The following LINGO2 variants were observed in gnomAD, a reference collection of about 807,000 sequenced individuals.
LINGO2 encodes the protein leucine rich repeat and Ig domain containing 2, also known as leucine-rich repeat and immunoglobulin-like domain-containing nogo receptor-interacting protein 2.
In LINGO2, 14 loss-of-function variants were observed where a neutral mutation model predicts 30.6. The ratio of observed to expected loss-of-function variants is 0.46; its 90% CI spans 0.30 to 0.72. LINGO2 has a LOEUF of 0.72. Among genes scored for constraint, LINGO2 ranks in the 30% least tolerant of loss-of-function variants. The pLI, the probability that LINGO2 is intolerant of heterozygous loss-of-function variation, is 0.07. For synonymous variants in LINGO2, 317 were observed against 288.5 expected, an observed-to-expected ratio of 1.10 and a Z score of -1.00; for missense variants, 729 against 751.7, an observed-to-expected ratio of 0.97 and a Z score of 0.35.
chr9:29,073,835 A>C, the LINGO2 span, among the ~76,000 whole-genome samples: 16 of 152,182 alleles, frequency 1.1e-4, no homozygotes, highest in Non-Finnish European at 2.2e-4. Flanking sequence ...CCAAACACAA[A>C]TGTTTATTTG....
intron 5 of LINGO2, among the ~76,000 whole-genome samples, chr9:27,966,363 A>G (rs1167835404): frequency 1.3e-5 from 2 of 152,186 alleles, no homozygotes; most frequent in Non-Finnish European, 2.9e-5. Flanking sequence ...ACATGCCTCA[A>G]TATACACCAC....
chr9:28,636,167 T>C (rs934371676), intron 1 of LINGO2, among the ~76,000 whole-genome samples: 4 of 152,226 alleles, frequency 2.6e-5, no homozygotes, highest in African/African-American at 9.6e-5. Flanking sequence ...TTATTTTTTA[T>C]GGCTGCGTAG....
In LINGO2 at chr9:27,995,103, C is replaced by T. The variant is rs147663150; in HGVS notation, c.-36+17252G>A. On this transcript the variant is annotated intron_variant, in intron 5 of 5. Coordinates refer to ENST00000379992, the Ensembl canonical transcript of LINGO2. Reference sequence around the variant, plus strand: ...GAAATACAAAGAATCATTAGAGAATCGTGTGCAGCAATACACCAATAAATT... The same window carrying T: ...GAAATACAAAGAATCATTAGAGAATTGTGTGCAGCAATACACCAATAAATT... Among the ~76,000 whole-genome samples, 19 of 152,164 alleles carry T rather than the reference C, an allele frequency of 1.2e-4. No individual in the cohort carries two copies. The East Asian group carries it at 3.1e-3, about 25-fold the overall frequency.
At chr9:29,154,449 CAAA>C in the LINGO2 span, among the ~76,000 whole-genome samples, 7 of 95,482 alleles carry the variant, frequency 7.3e-5, no homozygotes, top group Admixed American at 1.2e-4. Context: ...GACTCCGTCT[CAAA>C]AAAAAAAAAA....
intron 2 of LINGO2, among the ~76,000 whole-genome samples, chr9:28,454,016 A>G (rs2135086131): frequency 6.6e-6 from 1 of 152,098 alleles, no homozygotes; most frequent in African/African-American, 2.4e-5. Flanking sequence ...ATTAAAATGG[A>G]CCAAGGAGTT....
chr9:28,029,532 C>T (rs76739487), intron 4 of LINGO2, among the ~76,000 whole-genome samples: 9 of 152,252 alleles, frequency 5.9e-5, no homozygotes, highest in South Asian at 2.1e-4. Flanking sequence ...CTCTGAGTAC[C>T]AGCAGCAGGA....
intron 1 of LINGO2, among the ~76,000 whole-genome samples, chr9:28,542,301 C>A (rs1232134283): frequency 1.3e-5 from 2 of 151,838 alleles, no homozygotes; most frequent in Admixed American, 6.6e-5. Context: ...TGCAAGCTAT[C>A]TGCTGATAGC....
At chr9:28,668,127 G>T (rs1425285633) in intron 1 of LINGO2, among the ~76,000 whole-genome samples, 3 of 151,936 alleles carry the variant, frequency 2.0e-5, no homozygotes, top group African/African-American at 7.3e-5. Context: ...CCCCACCAAA[G>T]ATTTTGAGAA....
chr9:28,501,344 C>G (rs1010861544), intron 1 of LINGO2, among the ~76,000 whole-genome samples: 2 of 152,104 alleles, frequency 1.3e-5, no homozygotes, highest in East Asian at 3.8e-4. Context: ...GAAAATAAAA[C>G]TTTTTGAAGT....
intron 2 of LINGO2, among the ~76,000 whole-genome samples, chr9:28,377,412 T>C (rs182522466): frequency 6.6e-6 from 1 of 152,210 alleles, no homozygotes; most frequent in African/African-American, 2.4e-5. Context: ...AAATACAGCA[T>C]ACAATACATA....
At chr9:29,096,980 A>AGGC in the LINGO2 span, among the ~76,000 whole-genome samples, 24 of 139,752 alleles carry the variant, frequency 1.7e-4, 5 homozygotes, top group Non-Finnish European at 2.5e-4. Flanking sequence ...CAGAAAACAT[A>AGGC]AGAAAACCTT....
At chr9:28,702,163 A>G in the LINGO2 span, among the ~76,000 whole-genome samples, 1 of 151,910 alleles carries the variant, frequency 6.6e-6, no homozygotes, top group Non-Finnish European at 1.5e-5. Flanking sequence ...ATTATGTTGA[A>G]AAGGAGCAGT....
intron 4 of LINGO2, among the ~76,000 whole-genome samples, chr9:28,153,895 A>G (rs191847495): frequency 6.6e-6 from 1 of 152,346 alleles, no homozygotes; most frequent in Admixed American, 6.5e-5. Context: ...CATTAAGGAA[A>G]GCAAATACAA....
Position 28,250,482 on chromosome 9 carries a change from C to G in LINGO2, c.-87+44726G>C, listed in dbSNP as rs182716396. Reference sequence around the variant, plus strand: ...ACATCAACAGGTGCAGACAAAGAAGCCCGAACAAGTCAGCCTTTTCTAGTG... The same window carrying G: ...ACATCAACAGGTGCAGACAAAGAAGGCCGAACAAGTCAGCCTTTTCTAGTG... On this transcript the variant is annotated intron_variant, in intron 4 of 5. Coordinates refer to ENST00000379992, the Ensembl canonical transcript of LINGO2. 2.6e-4 allele frequency among the ~76,000 whole-genome samples: 40 copies of G among 152,206 alleles called. 1 individual carries two copies. Among genetic ancestry groups the G allele is most frequent in the African/African-American group, 9.1e-4 (38 of 41,540 alleles).
At chr9:27,957,849 A>G (rs1819652885) in intron 5 of LINGO2, among the ~76,000 whole-genome samples, 1 of 152,220 alleles carries the variant, frequency 6.6e-6, no homozygotes, top group African/African-American at 2.4e-5. Context: ...ATGTTGTACG[A>G]GCTTCTTATC....
the LINGO2 span, among the ~76,000 whole-genome samples, chr9:28,675,318 G>T: frequency 4.8e-4 from 73 of 152,170 alleles, no homozygotes; most frequent in African/African-American, 1.2e-3. Context: ...TGAATGCAAT[G>T]GTACCTAATA....
chr9:29,146,263 G>A, the LINGO2 span, among the ~76,000 whole-genome samples: 2 of 152,078 alleles, frequency 1.3e-5, no homozygotes, highest in African/African-American at 4.8e-5. Context: ...GGCTGAGGCA[G>A]GAGAATCGGT....
intron 3 of LINGO2, among the ~76,000 whole-genome samples, chr9:28,339,013 G>T (rs1039940084): frequency 3.9e-5 from 6 of 152,104 alleles, no homozygotes; most frequent in Non-Finnish European, 8.8e-5. Flanking sequence ...ATACTCCCAA[G>T]TATTGTCTTG....
intron 1 of LINGO2, among the ~76,000 whole-genome samples, chr9:28,513,278 A>G (rs770630510): frequency 6.6e-6 from 1 of 152,230 alleles, no homozygotes; most frequent in Non-Finnish European, 1.5e-5. Flanking sequence ...CTATTTATGC[A>G]CTAACTACTA....
Sources: gnomAD v4.1 joint callset for allele counts (sites outside exome capture counted in the v4.1 genomes callset) on GRCh38, gnomAD v4.1.1 for gene constraint, MANE v1.5 for transcripts, NCBI Gene and HGNC (gene_info 2026-07-23, HGNC 2026-07-21) for gene names.